The following ADK variants were observed in gnomAD, a reference collection of about 807,000 sequenced individuals.
ADK encodes adenosine kinase.
In ADK, 24 loss-of-function variants were observed where a neutral mutation model predicts 44.7. The ratio of observed to expected loss-of-function variants is 0.54; its 90% CI spans 0.39 to 0.76. The LOEUF is 0.76. ADK is among the 30% of genes least tolerant of loss of function. The pLI, the probability that ADK is intolerant of heterozygous loss-of-function variation, is 0.00. For synonymous variants in ADK, 128 were observed against 142.6 expected, an observed-to-expected ratio of 0.90 and a Z score of 0.73; for missense variants, 321 against 425.1, an observed-to-expected ratio of 0.76 and a Z score of 2.15.
In ADK at chr10:74,303,588, G is replaced by GTTGTTTTTTTTTTTTTTTTTTTTTTT. The variant is rs1840139803; in HGVS notation, c.195-11077_195-11076insGTTTTTTTTTTTTTTTTTTTTTTTTT. Among the ~76,000 whole-genome samples the GTTGTTTTTTTTTTTTTTTTTTTTTTT allele has an allele frequency of 2.9e-4, 20 of 68,576 alleles. 1 individual carries two copies. Among genetic ancestry groups the GTTGTTTTTTTTTTTTTTTTTTTTTTT allele is most frequent in the African/African-American group, 1.6e-3 (20 of 12,698 alleles). The allele number at this position is 68,576 out of a possible 152,430, so 45.0% of individuals were successfully genotyped here. On this transcript the variant is annotated intron_variant, in intron 3 of 10. Transcript: ENST00000539909. The stretch of plus-strand genomic sequence containing the variant: ...CACTTTTCATATTGGTTTTAATGTT[G>GTTGTTTTTTTTTTTTTTTTTTTTTTT]TTTTTTTTTTTTTTTTTTTTTTTTT...
At chr10:74,586,461 G>A (rs1851528353) in intron 7 of ADK, among the ~76,000 whole-genome samples, 2 of 152,224 alleles carry the variant, frequency 1.3e-5, no homozygotes, top group South Asian at 4.1e-4. Context: ...GTGTCCTAGG[G>A]CCTGGTTTCC....
At chr10:74,438,654 C>G (rs1434285044) in intron 6 of ADK, among the ~76,000 whole-genome samples, 1 of 152,126 alleles carries the variant, frequency 6.6e-6, no homozygotes, top group Non-Finnish European at 1.5e-5. Context: ...ATGTTGTAAG[C>G]AACCCGATAT....
intron 7 of ADK, among the ~76,000 whole-genome samples, chr10:74,586,652 G>A (rs568412925): frequency 8.1e-4 from 123 of 151,958 alleles, no homozygotes; most frequent in African/African-American, 2.6e-3. Context: ...TCAGGAGTTC[G>A]AGACCAGCCT....
At chr10:74,624,174 G>A (rs958739088) in intron 9 of ADK, among the ~76,000 whole-genome samples, 12 of 151,540 alleles carry the variant, frequency 7.9e-5, no homozygotes, top group Non-Finnish European at 1.5e-4. Flanking sequence ...TCTTAACCAA[G>A]CTGGCTTATC....
intron 10 of ADK, among the ~76,000 whole-genome samples, chr10:74,673,720 G>A (rs1343325566): frequency 2.0e-5 from 3 of 152,282 alleles, no homozygotes; most frequent in Admixed American, 6.5e-5. Context: ...CATGGCACCC[G>A]AGTTCTTGTC....
At chr10:74,551,332 C>A (rs1850029421) in intron 7 of ADK, 1 of 152,154 alleles carries the variant, frequency 6.6e-6, no homozygotes, top group Non-Finnish European at 1.5e-5. Context: ...ATATCATGGT[C>A]TTGGTTAGGC....
At chr10:74,435,557 A>C (rs1845153787) in intron 6 of ADK, among the ~76,000 whole-genome samples, 1 of 152,202 alleles carries the variant, frequency 6.6e-6, no homozygotes, top group South Asian at 2.1e-4. Context: ...ATTGAAAAAC[A>C]TTTGTTTATA....
chr10:74,359,418 T>A (rs1842252180), intron 4 of ADK, among the ~76,000 whole-genome samples: 2 of 152,170 alleles, frequency 1.3e-5, no homozygotes, highest in Non-Finnish European at 2.9e-5. Flanking sequence ...AGTAAAGATA[T>A]TTTAACAAGG....
chr10:74,424,567 A>T (rs1327999015), intron 6 of ADK, among the ~76,000 whole-genome samples: 1 of 140,072 alleles, frequency 7.1e-6, no homozygotes, highest in Non-Finnish European at 1.6e-5. Flanking sequence ...AAAAAAAAAA[A>T]ATTCCCCTGC....
At chr10:74,687,468 T>C (rs1218988489) in intron 10 of ADK, among the ~76,000 whole-genome samples, 1 of 152,226 alleles carries the variant, frequency 6.6e-6, no homozygotes, top group Non-Finnish European at 1.5e-5. Context: ...ATGCCTACCC[T>C]TTGTTCCATT....
chr10:74,164,406 G>A (rs1476649322), intron 1 of ADK, among the ~76,000 whole-genome samples: 1 of 151,808 alleles, frequency 6.6e-6, no homozygotes, highest in Non-Finnish European at 1.5e-5. Flanking sequence ...CATGGTGGTG[G>A]GCGCCTGTAA....
At chr10:74,407,221 G>T (rs1843974254) in intron 6 of ADK, among the ~76,000 whole-genome samples, 1 of 152,088 alleles carries the variant, frequency 6.6e-6, no homozygotes, top group Non-Finnish European at 1.5e-5. Context: ...CTCCCAAATT[G>T]CTGGGATTGC....
intron 8 of ADK, among the ~76,000 whole-genome samples, chr10:74,591,004 A>G (rs1177476026): frequency 6.6e-6 from 1 of 152,116 alleles, no homozygotes; most frequent in East Asian, 1.9e-4. Context: ...CTATAAAATA[A>G]CCAATTTTGC....
chr10:74,216,570 C>T (rs570187527), intron 2 of ADK, among the ~76,000 whole-genome samples: 12 of 151,740 alleles, frequency 7.9e-5, no homozygotes, highest in East Asian at 3.9e-4. Flanking sequence ...ACTTAAAATA[C>T]GAAAATTAGC....
chr10:74,236,347 T>C (rs1023769240), intron 3 of ADK, among the ~76,000 whole-genome samples: 3 of 152,222 alleles, frequency 2.0e-5, no homozygotes, highest in Non-Finnish European at 4.4e-5. Flanking sequence ...TTCTTCTAAG[T>C]AGATTGAAGG....
intron 6 of ADK, among the ~76,000 whole-genome samples, chr10:74,445,232 C>CCTTA (rs1456312982): frequency 1.3e-5 from 2 of 151,798 alleles, no homozygotes; most frequent in African/African-American, 4.8e-5. Flanking sequence ...AATCAGCTGC[C>CCTTA]CTTAGCTTGA....
intron 3 of ADK, among the ~76,000 whole-genome samples, chr10:74,266,510 C>T (rs541393025): frequency 2.6e-5 from 4 of 151,780 alleles, no homozygotes; most frequent in Admixed American, 6.6e-5. Flanking sequence ...GATCGGAGAT[C>T]GCGCCACTGC....
chr10:74,218,820 A>G (rs1487945101), intron 2 of ADK, among the ~76,000 whole-genome samples: 1 of 152,238 alleles, frequency 6.6e-6, no homozygotes, highest in African/African-American at 2.4e-5. Flanking sequence ...GCAAATGCTA[A>G]GAGATTTTGT....
Position 74,304,553 on chromosome 10 carries a change from A to T in ADK, c.195-10114A>T, listed in dbSNP as rs189571124. The stretch of plus-strand genomic sequence containing the variant: ...CTCTAAAAAGCAGTAGGTGACAGGG[A>T]TACAAGATAAATAATTTCATCAGAG... On this transcript the variant is annotated intron_variant, in intron 3 of 10. Coordinates refer to ENST00000539909, the MANE Select transcript of ADK (RefSeq NM_006721.4). Among the ~76,000 whole-genome samples the T allele has an allele frequency of 4.7e-4, 72 of 152,328 alleles. 1 individual carries two copies. The East Asian group carries it at 0.014, about 29-fold the overall frequency.
Sources: allele counts gnomAD v4.1 joint callset (sites outside exome capture counted in the v4.1 genomes callset), GRCh38; gene constraint gnomAD v4.1.1; transcripts MANE v1.5; gene names NCBI Gene and HGNC (gene_info 2026-07-23, HGNC 2026-07-21).